The following EPAS1 variants were observed in gnomAD, a reference collection of about 807,000 sequenced individuals.
The protein encoded by EPAS1 is endothelial PAS domain protein 1.
EPAS1 carries 23 observed loss-of-function variants against 87.9 expected under a neutral mutation model. That is an observed-to-expected ratio of 0.26 (90% CI 0.19 to 0.37). The LOEUF (loss-of-function observed/expected upper bound fraction) is 0.37, where lower values mean the gene tolerates loss of function less well. EPAS1 is among the 10% of genes least tolerant of loss of function. EPAS1 has a pLI of 1.00. For synonymous variants in EPAS1, 508 were observed against 444.3 expected, an observed-to-expected ratio of 1.14 and a Z score of -1.80; for missense variants, 1,138 against 1,120.7, an observed-to-expected ratio of 1.02 and a Z score of -0.22.
At position 46,355,871 on chromosome 2, in the gene EPAS1, C is replaced by T. The variant is rs1684258605; in HGVS notation, c.218-280C>T. 2.0e-5 allele frequency among the ~76,000 whole-genome samples: 3 copies of T among 152,342 alleles called. No individual in the cohort carries two copies. The South Asian group carries it at 6.2e-4, about 32-fold the overall frequency. ...GGGGCAGCTTGGGAAAACTTCCACC[C>T]TGAACCACTCACACAGCAGCTCCTA... On this transcript the variant is annotated intron_variant, in intron 2 of 15. Coordinates refer to ENST00000263734, the MANE Select transcript of EPAS1 (RefSeq NM_001430.5).
intron 1 of EPAS1, among the ~76,000 whole-genome samples, chr2:46,315,728 G>C (rs1254050902): frequency 6.6e-6 from 1 of 152,272 alleles, no homozygotes; most frequent in Non-Finnish European, 1.5e-5. Context: ...GCAGGATGTA[G>C]AGGGAGGGCA....
At chr2:46,351,429 T>G (rs894416306) in intron 2 of EPAS1, among the ~76,000 whole-genome samples, 1 of 152,096 alleles carries the variant, frequency 6.6e-6, no homozygotes, top group Non-Finnish European at 1.5e-5. Context: ...CACAGTGCCT[T>G]CTGTCAAAGG....
chr2:46,367,935 A>G (rs1471326144), intron 6 of EPAS1, among the ~76,000 whole-genome samples: 1 of 152,216 alleles, frequency 6.6e-6, no homozygotes, highest in Non-Finnish European at 1.5e-5. Flanking sequence ...GCGCACACAC[A>G]TTGAGACAGT....
chr2:46,301,201 C>T (rs1480055179), intron 1 of EPAS1, among the ~76,000 whole-genome samples: 1 of 152,118 alleles, frequency 6.6e-6, no homozygotes, highest in Admixed American at 6.5e-5. Context: ...ATCATCTAGT[C>T]AGACTTTTCT....
At chr2:46,298,827 C>T (rs1310875841) in intron 1 of EPAS1, among the ~76,000 whole-genome samples, 3 of 152,228 alleles carry the variant, frequency 2.0e-5, no homozygotes, top group African/African-American at 7.2e-5. Flanking sequence ...GGTTCGAGCC[C>T]TCTGCGCGGC....
chr2:46,315,480 C>T (rs1316122908), intron 1 of EPAS1, among the ~76,000 whole-genome samples: 1 of 152,214 alleles, frequency 6.6e-6, no homozygotes, highest in Non-Finnish European at 1.5e-5. Flanking sequence ...TGGATGGCTG[C>T]CCACTGGCCA....
intron 8 of EPAS1, among the ~76,000 whole-genome samples, chr2:46,376,275 G>T (rs1005753489): frequency 6.6e-6 from 1 of 152,086 alleles, no homozygotes; most frequent in Non-Finnish European, 1.5e-5. Flanking sequence ...AAAGCATCAG[G>T]CCTCATATAT....
At chr2:46,332,290 A>G (rs1170471443) in intron 1 of EPAS1, among the ~76,000 whole-genome samples, 1 of 100,342 alleles carries the variant, frequency 1.0e-5, no homozygotes, top group Non-Finnish European at 2.1e-5. Context: ...AAAAAAAAAT[A>G]CGTGTGTGTG....
Position 46,375,867 on chromosome 2 carries a change from T to C in EPAS1, c.1034+30T>C, listed in dbSNP as rs189773804. On this transcript the variant is annotated intron_variant, in intron 8 of 15. Transcript: ENST00000263734. This position sits in a 1 kb window ranked among gnomAD's most constrained non-coding sequence, Gnocchi z 4.1. ...GCATGTGAGGGCTGGCGGGCCTTGG[T>C]GCAGGGTATGTGGGGGTGCCCAAGC... 278 of 1,613,866 alleles carry C rather than the reference T, an allele frequency of 1.7e-4. No individual in the cohort carries two copies. The East Asian group carries it at 5.9e-3, about 34-fold the overall frequency.
chr2:46,334,082 G>C (rs937417976), intron 1 of EPAS1, among the ~76,000 whole-genome samples: 1 of 152,174 alleles, frequency 6.6e-6, no homozygotes, highest in Admixed American at 6.5e-5. Context: ...CATATTTAGA[G>C]CTTCCAACAG....
At chr2:46,314,361 T>A (rs1683273090) in intron 1 of EPAS1, among the ~76,000 whole-genome samples, 1 of 152,210 alleles carries the variant, frequency 6.6e-6, no homozygotes, top group Non-Finnish European at 1.5e-5. Flanking sequence ...CTCTGCGTGT[T>A]GAAACACCAC....
chr2:46,334,955 A>G (rs1683757951), intron 1 of EPAS1, among the ~76,000 whole-genome samples: 1 of 152,230 alleles, frequency 6.6e-6, no homozygotes, highest in Non-Finnish European at 1.5e-5. Context: ...CCACAATACT[A>G]GACATGTGAC....
At chr2:46,358,105 G>A (rs1466897198) in intron 4 of EPAS1, among the ~76,000 whole-genome samples, 3 of 152,224 alleles carry the variant, frequency 2.0e-5, no homozygotes, top group East Asian at 3.8e-4. Flanking sequence ...AAGCCTACAA[G>A]GTTTGGCTCT....
At chr2:46,304,898 T>C (rs947970712) in intron 1 of EPAS1, among the ~76,000 whole-genome samples, 4 of 152,236 alleles carry the variant, frequency 2.6e-5, no homozygotes, top group South Asian at 2.1e-4. Context: ...GTTGTGATAA[T>C]AGCATGTTGC....
rs766041567 is a variant in EPAS1 at position 46,376,661 on chromosome 2, G to A, written c.1157G>A (p.Ser386Asn). ...SSGKGAVSEKSNFLFTKLKEE... is the reference protein window; with the variant it reads ...SSGKGAVSEKNNFLFTKLKEE... The stretch of plus-strand genomic sequence containing the variant: ...GGCAAGGGGGCTGTGTCTGAGAAGA[G>A]TAACTTCCTATTCACCAAGCTAAAG... Residue 386 changes from serine (S) to asparagine (N), a missense_variant, in exon 9 of 16, where the codon AGT (serine) becomes AAT (asparagine). Around this residue, in one of 4 missense-constraint regions of EPAS1, gnomAD observed 284 missense variants for 258.4 expected, o/e 1.10. Transcript: ENST00000263734. 4.3e-6 allele frequency: 7 copies of A among 1,614,156 alleles called. No individual in the cohort carries two copies. In the Admixed American group the frequency reaches 8.3e-5, roughly 19 times the overall value.
At chr2:46,381,554 G>T (rs1216699483) in intron 12 of EPAS1, 42 bp from the exon 13 acceptor site, 2 of 1,613,592 alleles carry the variant, frequency 1.2e-6, no homozygotes, top group Non-Finnish European at 1.7e-6. Context: ...AGTGGCATGT[G>T]GCTCCAGACT....
chr2:46,355,386 A>T (rs1421343521), intron 2 of EPAS1, among the ~76,000 whole-genome samples: 1 of 152,180 alleles, frequency 6.6e-6, no homozygotes, highest in African/African-American at 2.4e-5. Flanking sequence ...TTTAACTCCA[A>T]AGCCTATGAA....
intron 1 of EPAS1, among the ~76,000 whole-genome samples, chr2:46,331,143 G>C (rs1683664521): frequency 6.6e-6 from 1 of 152,218 alleles, no homozygotes; most frequent in Non-Finnish European, 1.5e-5. Flanking sequence ...TAAGTAACTT[G>C]CCCCAGGTCA....
intron 1 of EPAS1, among the ~76,000 whole-genome samples, chr2:46,311,308 C>T (rs1228148373): frequency 6.6e-6 from 1 of 152,136 alleles, no homozygotes; most frequent in African/African-American, 2.4e-5. Flanking sequence ...CTGCTCATTG[C>T]CTACTCTGTG....
Sources: gnomAD v4.1 joint callset for allele counts (sites outside exome capture counted in the v4.1 genomes callset) on GRCh38, gnomAD v4.1.1 for gene constraint, gnomAD v4.1.1 regional missense constraint, Gnocchi (gnomAD v3.1) non-coding constraint, MANE v1.5 for transcripts, NCBI Gene and HGNC (gene_info 2026-07-23, HGNC 2026-07-21) for gene names.